ADGRL2: variants seen among roughly 807,000 people sequenced by gnomAD.
ADGRL2 encodes calcium-independent alpha-latrotoxin receptor 2.
ADGRL2 carries 44 observed loss-of-function variants against 157.4 expected under a neutral mutation model. That is an observed-to-expected ratio of 0.28 (90% CI 0.22 to 0.36). The LOEUF (loss-of-function observed/expected upper bound fraction) is 0.36. ADGRL2 is among the 10% of genes least tolerant of loss of function. The pLI is 1.00. For synonymous variants in ADGRL2, 585 were observed against 624.7 expected, an observed-to-expected ratio of 0.94 and a Z score of 0.95; for missense variants, 1,510 against 1,768.9, an observed-to-expected ratio of 0.85 and a Z score of 2.63.
chr1:81,687,777 C>CT (rs750886939), intron 3 of ADGRL2, among the ~76,000 whole-genome samples: 13 of 152,052 alleles, frequency 8.5e-5, no homozygotes, highest in Non-Finnish European at 1.8e-4. Context: ...GTGACTTATG[C>CT]TTTAAAGAGG....
At chr1:81,535,978 G>T (rs1189059072) in intron 2 of ADGRL2, among the ~76,000 whole-genome samples, 1 of 152,120 alleles carries the variant, frequency 6.6e-6, no homozygotes. Flanking sequence ...TACAAACAGT[G>T]TAAATAAAGT....
rs540448160 is a variant in ADGRL2 at position 81,524,087 on chromosome 1, G to A, written c.-247-56789G>A. The stretch of plus-strand genomic sequence containing the variant: ...TCAAAAATAAAAAAATGGGCCAGGC[G>A]CAGTGGCTCACGCCTGTAATCCCAG... On this transcript the variant is annotated intron_variant, in intron 2 of 24. Coordinates refer to the ADGRL2 transcript ENST00000370721. 1.2e-3 allele frequency among the ~76,000 whole-genome samples: 176 copies of A among 147,780 alleles called. 1 individual carries two copies. Among genetic ancestry groups the A allele is most frequent in the Non-Finnish European group, 2.1e-3 (142 of 66,894 alleles).
chr1:81,531,444 TC>T (rs1439130372), intron 2 of ADGRL2, among the ~76,000 whole-genome samples: 2 of 152,226 alleles, frequency 1.3e-5, no homozygotes, highest in African/African-American at 4.8e-5. Flanking sequence ...TCTATGGTAA[TC>T]TAGAAACTAG....
At chr1:81,664,899 T>TA (rs2082724308) in intron 3 of ADGRL2, among the ~76,000 whole-genome samples, 1 of 152,146 alleles carries the variant, frequency 6.6e-6, no homozygotes, top group Non-Finnish European at 1.5e-5. Context: ...CATATTCATT[T>TA]ATTTTATATA....
At chr1:81,429,540 C>G (rs2077282032) in intron 1 of ADGRL2, among the ~76,000 whole-genome samples, 1 of 152,184 alleles carries the variant, frequency 6.6e-6, no homozygotes, top group Non-Finnish European at 1.5e-5. Flanking sequence ...CATGAGTCTC[C>G]TGATATTTCA....
chr1:81,671,751 G>A (rs1454678008), intron 3 of ADGRL2, among the ~76,000 whole-genome samples: 9 of 152,172 alleles, frequency 5.9e-5, no homozygotes, highest in Non-Finnish European at 1.5e-5. Context: ...GACCTCAGGT[G>A]ATCCACCCAC....
At chr1:81,674,661 T>C (rs1237032704) in intron 3 of ADGRL2, among the ~76,000 whole-genome samples, 1 of 152,122 alleles carries the variant, frequency 6.6e-6, no homozygotes, top group Non-Finnish European at 1.5e-5. Context: ...CAGCTGAAGT[T>C]TGATGGATTC....
intron 3 of ADGRL2, among the ~76,000 whole-genome samples, chr1:81,629,754 T>C (rs780020047): frequency 2.0e-5 from 3 of 151,798 alleles, no homozygotes; most frequent in African/African-American, 4.8e-5. Flanking sequence ...TGTGTGTGTA[T>C]ATATATGTAT....
chr1:81,775,718 C>T (rs1215858442), intron 2 of ADGRL2, among the ~76,000 whole-genome samples: 2 of 152,050 alleles, frequency 1.3e-5, no homozygotes, highest in Non-Finnish European at 2.9e-5. Context: ...TGTCAACAGC[C>T]AGGAGCACTC....
intron 1 of ADGRL2, among the ~76,000 whole-genome samples, chr1:81,343,080 C>CTTT (rs1662196774): frequency 9.0e-6 from 1 of 111,348 alleles, no homozygotes; most frequent in African/African-American, 3.7e-5. Flanking sequence ...TTCTTTTTTT[C>CTTT]TTTTTTCTTT....
chr1:81,655,492 C>G (rs867819441), intron 3 of ADGRL2, among the ~76,000 whole-genome samples: 40 of 152,170 alleles, frequency 2.6e-4, no homozygotes, highest in African/African-American at 8.7e-4. Flanking sequence ...GTTTCCAGTT[C>G]CATCTCTCCT....
intron 1 of ADGRL2, among the ~76,000 whole-genome samples, chr1:81,716,042 G>C (rs776158645): frequency 6.6e-6 from 1 of 152,188 alleles, no homozygotes; most frequent in Non-Finnish European, 1.5e-5. Flanking sequence ...CAAGGGCAGA[G>C]AGAAGAAAGA....
intron 1 of ADGRL2, chr1:81,721,803 G>T (rs2084332506): frequency 7.5e-6 from 9 of 1,192,196 alleles, no homozygotes; most frequent in East Asian, 2.3e-5. Context: ...GTGGGAGCAG[G>T]CGGTAAAGTA....
At chr1:81,913,818 G>A (rs1572090828) in intron 3 of ADGRL2, among the ~76,000 whole-genome samples, 1 of 152,134 alleles carries the variant, frequency 6.6e-6, no homozygotes, top group South Asian at 2.1e-4. Context: ...ACCTCAAATC[G>A]CCTGTACCTA....
At chr1:81,392,781 TA>T (rs2076582536) in intron 1 of ADGRL2, among the ~76,000 whole-genome samples, 1 of 152,092 alleles carries the variant, frequency 6.6e-6, no homozygotes, top group African/African-American at 2.4e-5. Context: ...GCAGGGTGGG[TA>T]AAACTATATA....
intron 3 of ADGRL2, among the ~76,000 whole-genome samples, chr1:81,627,048 GT>G (rs990638996): frequency 4.0e-5 from 6 of 151,868 alleles, no homozygotes; most frequent in African/African-American, 1.5e-4. Flanking sequence ...ACTTCAAAGG[GT>G]TTTTGTAGTA....
Position 81,978,800 on chromosome 1 carries a change from C to T in ADGRL2, c.3022-1069C>T, listed in dbSNP as rs184998364. ...ATCATGTTACTGTAACACTGTTATG[C>T]TGATTATCTGCAACAAGGAATTAAA... is the stretch of plus-strand genomic sequence containing the variant. On this transcript the variant is annotated intron_variant, in intron 17 of 23. Transcript: ENST00000686636. Among the ~76,000 whole-genome samples the T allele has an allele frequency of 4.1e-4, 62 of 151,810 alleles. 1 individual carries two copies. The East Asian group carries it at 9.3e-3, about 23-fold the overall frequency.
intron 2 of ADGRL2, among the ~76,000 whole-genome samples, chr1:81,472,704 GT>G (rs1287613236): frequency 6.6e-5 from 10 of 152,296 alleles, no homozygotes; most frequent in African/African-American, 2.4e-4. Flanking sequence ...TATATCTCTT[GT>G]TACATGCTCT....
At chr1:81,898,769 T>A (rs2151579011) in intron 2 of ADGRL2, among the ~76,000 whole-genome samples, 1 of 152,348 alleles carries the variant, frequency 6.6e-6, no homozygotes, top group Admixed American at 6.5e-5. Flanking sequence ...AAGATGAAAT[T>A]GAAATAAGCT....
Sources: allele counts gnomAD v4.1 joint callset (sites outside exome capture counted in the v4.1 genomes callset), GRCh38; gene constraint gnomAD v4.1.1; transcripts MANE v1.5; gene names NCBI Gene and HGNC (gene_info 2026-07-23, HGNC 2026-07-21).